NEGR1: variants seen among roughly 807,000 people sequenced by gnomAD.
NEGR1 encodes neuronal growth regulator 1.
Under a neutral mutation model 40.9 loss-of-function variants are expected in NEGR1, and 10 were observed. The ratio of observed to expected loss-of-function variants is 0.24; its 90% CI spans 0.15 to 0.42. The LOEUF is 0.42. Ranked by LOEUF, NEGR1 falls within the 10% of genes least tolerant of loss-of-function variation. The pLI, the probability that NEGR1 is intolerant of heterozygous loss-of-function variation, is 1.00. For synonymous variants in NEGR1, 185 were observed against 166.8 expected, an observed-to-expected ratio of 1.11 and a Z score of -0.84; for missense variants, 352 against 438.9, an observed-to-expected ratio of 0.80 and a Z score of 1.77.
intron 1 of NEGR1, among the ~76,000 whole-genome samples, chr1:72,136,042 C>T (rs1650451144): frequency 6.6e-6 from 1 of 151,780 alleles, no homozygotes; most frequent in Non-Finnish European, 1.5e-5. Flanking sequence ...AATAAGAAAG[C>T]ACAAAAATGT....
At chr1:71,412,103 G>T (rs534350220) in intron 6 of NEGR1, among the ~76,000 whole-genome samples, 1 of 151,972 alleles carries the variant, frequency 6.6e-6, no homozygotes, top group Non-Finnish European at 1.5e-5. Context: ...ATTCCCCATT[G>T]TCTATTGAGT....
chr1:72,161,544 T>C (rs1651559532), intron 1 of NEGR1, among the ~76,000 whole-genome samples: 2 of 152,116 alleles, frequency 1.3e-5, no homozygotes, highest in African/African-American at 4.8e-5. Flanking sequence ...ATTCAAAGAC[T>C]ATCCTCCAAA....
intron 1 of NEGR1, among the ~76,000 whole-genome samples, chr1:72,109,139 T>C (rs1377875478): frequency 6.6e-6 from 1 of 151,654 alleles, no homozygotes; most frequent in Non-Finnish European, 1.5e-5. Context: ...TGTAGACAAA[T>C]TTCTCAATAT....
chr1:72,187,337 T>C (rs1652648749), intron 1 of NEGR1, among the ~76,000 whole-genome samples: 2 of 151,536 alleles, frequency 1.3e-5, no homozygotes, highest in South Asian at 2.1e-4. Flanking sequence ...CTAGAAAATA[T>C]TTATTGAAAC....
chr1:71,959,606 TAA>T (rs886689977), intron 1 of NEGR1, among the ~76,000 whole-genome samples: 156 of 152,260 alleles, frequency 1.0e-3, no homozygotes, highest in African/African-American at 3.6e-3. Flanking sequence ...AAAATAAACT[TAA>T]GTTTATTAAG....
At chr1:72,007,842 C>T (rs1213353743) in intron 1 of NEGR1, among the ~76,000 whole-genome samples, 1 of 152,006 alleles carries the variant, frequency 6.6e-6, no homozygotes, top group African/African-American at 2.4e-5. Flanking sequence ...CAATACTTTG[C>T]CTAAGGCCTA....
chr1:71,689,627 C>T (rs541070335), intron 4 of NEGR1, among the ~76,000 whole-genome samples: 1 of 151,968 alleles, frequency 6.6e-6, no homozygotes, highest in East Asian at 1.9e-4. Context: ...GATTATTTGG[C>T]AATCCATATA....
rs79933340 is a variant in NEGR1 at position 71,483,008 on chromosome 1, G to T, written c.941-75438C>A. On this transcript the variant is annotated intron_variant, in intron 6 of 6. Coordinates refer to ENST00000357731, the MANE Select transcript of NEGR1 (RefSeq NM_173808.3). ...GATGGGAAATTAAGAGTGGTAGGTG[G>T]GATGCAGCTGGAAAGCGGATAGTCA... Among the ~76,000 whole-genome samples, 585 of 151,812 alleles carry T rather than the reference G, an allele frequency of 3.9e-3. 4 individuals carry two copies. The highest frequency in any genetic ancestry group is 0.02 in the Middle Eastern group (6 of 294).
intron 3 of NEGR1, among the ~76,000 whole-genome samples, chr1:71,698,396 A>G (rs965696254): frequency 3.3e-5 from 5 of 151,888 alleles, no homozygotes; most frequent in Non-Finnish European, 7.4e-5. Context: ...GTGGTCTCCT[A>G]ACCTCTTCAC....
rs192356294 is a variant in NEGR1 at position 71,803,117 on chromosome 1, G to A, written c.410-26820C>T. On this transcript the variant is annotated intron_variant, in intron 2 of 6. Coordinates refer to ENST00000357731, the MANE Select transcript of NEGR1 (RefSeq NM_173808.3). ...ATGTCAGTTTAAGGGTTTGTAGACA[G>A]GGCCTTTAAGGAGGTAACTAACGTT... Among the ~76,000 whole-genome samples, 49 of 152,220 alleles carry A rather than the reference G, an allele frequency of 3.2e-4. 1 individual carries two copies. In the East Asian group the frequency reaches 8.0e-3, roughly 25 times the overall value.
At chr1:71,623,590 A>G (rs1006466701) in intron 4 of NEGR1, among the ~76,000 whole-genome samples, 9 of 149,888 alleles carry the variant, frequency 6.0e-5, no homozygotes, top group African/African-American at 2.2e-4. Flanking sequence ...AGTTTTGGAC[A>G]CTTCTATTTA....
At chr1:72,188,094 T>G (rs902588012) in intron 1 of NEGR1, among the ~76,000 whole-genome samples, 1 of 151,524 alleles carries the variant, frequency 6.6e-6, no homozygotes, top group African/African-American at 2.4e-5. Context: ...TGATGTTAAA[T>G]GCTGATCTCT....
rs145354058 is a variant in NEGR1, at chr1:71,675,126, T to TATATATATATATATATATACACAC, written c.667+22881_667+22882insGTGTGTATATATATATATATATAT. 8.3e-3 allele frequency among the ~76,000 whole-genome samples: 646 copies of TATATATATATATATATATACACAC among 77,804 alleles called. 18 individuals are homozygous for TATATATATATATATATATACACAC. The highest frequency in any genetic ancestry group is 0.011 in the Non-Finnish European group (395 of 36,864). 51.0% of individuals were successfully genotyped at this position (77,804 alleles called of 152,430 possible). On this transcript the variant is annotated intron_variant, in intron 4 of 6. Coordinates refer to ENST00000357731, the MANE Select transcript of NEGR1 (RefSeq NM_173808.3). ...GCATGTTTATTCATATATATATATA[T>TATATATATATATATATATACACAC]ACACACACACATATGAATTCTTAGA...
At chr1:71,911,265 C>T (rs1661414109) in intron 2 of NEGR1, among the ~76,000 whole-genome samples, 1 of 151,906 alleles carries the variant, frequency 6.6e-6, no homozygotes, top group Admixed American at 6.6e-5. Context: ...AAAAATAAAG[C>T]AATATGTAAG....
At chr1:71,633,524 A>T (rs141669816) in intron 4 of NEGR1, among the ~76,000 whole-genome samples, 468 of 152,242 alleles carry the variant, frequency 3.1e-3, no homozygotes, top group Non-Finnish European at 6.0e-3. Flanking sequence ...GAACTATGAC[A>T]GTTTCAAAAT....
chr1:71,470,677 A>G (rs1200516502), intron 6 of NEGR1, among the ~76,000 whole-genome samples: 1 of 152,070 alleles, frequency 6.6e-6, no homozygotes, highest in Non-Finnish European at 1.5e-5. Context: ...TTTGCATTCT[A>G]TTTTGCAGCC....
chr1:72,268,973 C>T (rs956487344), intron 1 of NEGR1, among the ~76,000 whole-genome samples: 1 of 151,418 alleles, frequency 6.6e-6, no homozygotes, highest in African/African-American at 2.4e-5. Flanking sequence ...CCACAGCCAT[C>T]ATAAAATTTA....
intron 6 of NEGR1, among the ~76,000 whole-genome samples, chr1:71,531,725 C>T (rs921741849): frequency 6.6e-6 from 1 of 151,338 alleles, no homozygotes; most frequent in South Asian, 2.1e-4. Flanking sequence ...AAATAGACCA[C>T]TCAATATGTT....
chr1:72,237,078 T>A (rs544735107), intron 1 of NEGR1, among the ~76,000 whole-genome samples: 14 of 152,106 alleles, frequency 9.2e-5, no homozygotes, highest in Admixed American at 6.6e-4. Context: ...TTTCAAGAAT[T>A]TTTAAAAATA....
Sources: allele counts gnomAD v4.1 joint callset (sites outside exome capture counted in the v4.1 genomes callset), GRCh38; gene constraint gnomAD v4.1.1; transcripts MANE v1.5; gene names NCBI Gene and HGNC (gene_info 2026-07-23, HGNC 2026-07-21).